Variants in SBSPON observed in about 807,000 individuals in gnomAD.
SBSPON encodes somatomedin B and thrombospondin type 1 domain containing, also known as somatomedin-B and thrombospondin type-1 domain-containing protein.
A neutral mutation model predicts 35.8 loss-of-function variants in SBSPON; 30 were observed. The observed-to-expected ratio is 0.84, with a 90% CI of 0.63 to 1.14. The LOEUF (loss-of-function observed/expected upper bound fraction) is 1.14. Among genes scored for constraint, SBSPON ranks in the 50% most tolerant of loss-of-function variants. SBSPON has a pLI of 0.00. For missense variants in SBSPON, 364 were observed against 357.7 expected, an observed-to-expected ratio of 1.02 and a Z score of -0.14; for synonymous variants, 136 against 135.9, an observed-to-expected ratio of 1.00 and a Z score of 0.00.
chr8:73,090,395 A>G (rs1810907837), intron 1 of SBSPON, among the ~76,000 whole-genome samples: 1 of 152,246 alleles, frequency 6.6e-6, no homozygotes, highest in Non-Finnish European at 1.5e-5. Flanking sequence ...GCATTCCAGG[A>G]GTTGCCCCGA....
rs759587023 is a variant in SBSPON at position 73,067,459 on chromosome 8, C to T, written c.678-1G>A. The T allele has an allele frequency of 3.2e-5, 50 of 1,567,074 alleles. No homozygotes were observed. The highest frequency in any genetic ancestry group is 4.3e-5 in the Non-Finnish European group (49 of 1,138,854). ...TGCTTGCCAATGGAGAGTCTGATTT[C>T]TGAAACGATATTTCGAAAGTGTTAG... On this transcript the variant is annotated splice_acceptor_variant, in intron 4 of 4. Coordinates refer to ENST00000297354, the MANE Select transcript of SBSPON (RefSeq NM_153225.4). LOFTEE classifies it high-confidence loss of function.
intron 2 of SBSPON, among the ~76,000 whole-genome samples, chr8:73,078,604 A>T (rs1367858253): frequency 6.6e-6 from 1 of 152,178 alleles, no homozygotes; most frequent in Non-Finnish European, 1.5e-5. Context: ...GCACAGGAGT[A>T]GGTGGGCTGC....
intron 1 of SBSPON, among the ~76,000 whole-genome samples, chr8:73,084,606 A>C (rs769953056): frequency 6.6e-6 from 1 of 151,960 alleles, no homozygotes; most frequent in Non-Finnish European, 1.5e-5. Context: ...CGTTGTACAC[A>C]TTTTTACTCT....
chr8:73,076,202 G>A (rs1563487895), intron 2 of SBSPON, among the ~76,000 whole-genome samples: 1 of 152,120 alleles, frequency 6.6e-6, no homozygotes, highest in African/African-American at 2.4e-5. Context: ...GAACTCCAGT[G>A]TCCTCAGGTG....
In SBSPON at chr8:73,067,589, C is replaced by CTATATATATATATATA. The variant is rs1233223282; in HGVS notation, c.678-147_678-132dup. 170 of 104,254 alleles carry CTATATATATATATATA rather than the reference C, an allele frequency of 1.6e-3. 9 individuals are homozygous for CTATATATATATATATA. The African/African-American group carries it at 0.018, about 11-fold the overall frequency. The allele number at this position is 104,254 out of a possible 1,614,324, so 6.5% of individuals were successfully genotyped here. On this transcript the variant is annotated intron_variant, in intron 4 of 4. Transcript: ENST00000297354. ...GCAATATAGTGAAACCCCGTCTCTACTATATATATATATATATAGTTTTTT... is the reference window on the plus strand; with the variant it reads ...GCAATATAGTGAAACCCCGTCTCTACTATATATATATATATATATATATATATATATATAGTTTTTT...
intron 1 of SBSPON, among the ~76,000 whole-genome samples, chr8:73,088,678 A>C (rs1371819033): frequency 7.1e-6 from 1 of 141,680 alleles, no homozygotes; most frequent in African/African-American, 2.7e-5. Flanking sequence ...ATCAGATCCC[A>C]TCTCAAAAAG....
rs1211676004 is a variant in SBSPON, at chr8:73,092,909, G to A, written c.159C>T (p.Asp53=). 1 of 1,611,728 alleles carries A rather than the reference G, an allele frequency of 6.2e-7. No homozygotes were observed. Among genetic ancestry groups the A allele is most frequent in the Admixed American group, 1.7e-5 (1 of 59,890 alleles). Reference sequence around the variant, plus strand: ...AGTCCCCGGTGAAGCGACAGGCTTGGTCGCAGAAACACGTCCCGTAGACCC... The same window carrying A: ...AGTCCCCGGTGAAGCGACAGGCTTGATCGCAGAAACACGTCCCGTAGACCC... ...LDRVYGTCFC[D]QACRFTGDCC... The change falls in exon 1 of 5, where the codon GAC becomes GAT. Residue 53 remains aspartate, a synonymous_variant. Transcript: ENST00000297354.
At chr8:73,092,109 G>T (rs73687093) in intron 1 of SBSPON, among the ~76,000 whole-genome samples, 1 of 152,056 alleles carries the variant, frequency 6.6e-6, no homozygotes, top group Non-Finnish European at 1.5e-5. Context: ...GAGCCCTTAC[G>T]GGGACAAGGA....
chr8:73,091,334 A>AGTG (rs1810929169), intron 1 of SBSPON, among the ~76,000 whole-genome samples: 1 of 152,190 alleles, frequency 6.6e-6, no homozygotes, highest in South Asian at 2.1e-4. Flanking sequence ...TCCTGGATCA[A>AGTG]CTATTTCAGT....
chr8:73,077,949 T>C (rs1323740029), intron 2 of SBSPON, among the ~76,000 whole-genome samples: 5 of 152,204 alleles, frequency 3.3e-5, no homozygotes, highest in African/African-American at 4.8e-5. Flanking sequence ...ATTTACCCCA[T>C]ATTTTCCTAC....
At chr8:73,087,200 T>C (rs1161343666) in intron 1 of SBSPON, among the ~76,000 whole-genome samples, 1 of 152,194 alleles carries the variant, frequency 6.6e-6, no homozygotes, top group Non-Finnish European at 1.5e-5. Flanking sequence ...AAACATCATG[T>C]TTTGACGTAT....
intron 4 of SBSPON, among the ~76,000 whole-genome samples, chr8:73,069,280 A>G (rs931337089): frequency 2.0e-5 from 3 of 151,830 alleles, no homozygotes; most frequent in African/African-American, 2.4e-5. Context: ...CTAAACTCCA[A>G]TATCCTTTTT....
intron 1 of SBSPON, among the ~76,000 whole-genome samples, chr8:73,086,783 G>A (rs1045476208): frequency 2.0e-5 from 3 of 152,162 alleles, no homozygotes; most frequent in Admixed American, 6.5e-5. Context: ...AAAGATAATA[G>A]TACTTTTTCT....
Position 73,066,086 on chromosome 8 carries a change from T to C in SBSPON, c.*1255A>G, listed in dbSNP as rs1810383415. The C allele has an allele frequency of 6.6e-6, 1 of 152,218 alleles. No individual in the cohort carries two copies. Among genetic ancestry groups the C allele is most frequent in the South Asian group, 2.1e-4 (1 of 4,834 alleles). 9.4% of individuals were successfully genotyped at this position (152,218 alleles called of 1,614,324 possible). A position where few individuals can be genotyped will look rare whatever the true frequency, so the allele number is the denominator to read the frequency against. On this transcript the variant is annotated 3_prime_UTR_variant, in exon 5 of 5. Transcript: ENST00000297354. ...CATGATAAGGACCAAGAAATACGTA[T>C]TTTAGTAAATCATTTGTTAGTGAAT...
rs1056703296 is a variant in SBSPON, at chr8:73,065,065, A to G, written c.*2276T>C. The G allele has an allele frequency of 6.6e-6, 1 of 152,164 alleles. No homozygotes were observed. Among genetic ancestry groups the G allele is most frequent in the Non-Finnish European group, 1.5e-5 (1 of 68,022 alleles). The allele number at this position is 152,164 out of a possible 1,614,324, so 9.4% of individuals were successfully genotyped here. On this transcript the variant is annotated 3_prime_UTR_variant, in exon 5 of 5. Transcript: ENST00000297354. The stretch of plus-strand genomic sequence containing the variant: ...GGACTACATGTTTCAGTTCTGAACT[A>G]TTTCCCTTGGGCTTTGCTAAAATTA...
intron 3 of SBSPON, among the ~76,000 whole-genome samples, chr8:73,071,206 CAT>C (rs1007978539): frequency 3.3e-5 from 5 of 152,246 alleles, no homozygotes; most frequent in Admixed American, 6.5e-5. Flanking sequence ...ATACCAACCT[CAT>C]GTGGTAGGTT....
intron 4 of SBSPON, among the ~76,000 whole-genome samples, chr8:73,067,777 AG>A (rs1270160852): frequency 6.8e-6 from 1 of 146,208 alleles, no homozygotes; most frequent in Admixed American, 7.0e-5. Flanking sequence ...CCTGGGTGCA[AG>A]GGATCCTCCT....
intron 2 of SBSPON, among the ~76,000 whole-genome samples, chr8:73,074,084 C>T (rs1810547077): frequency 6.6e-6 from 1 of 152,180 alleles, no homozygotes; most frequent in Non-Finnish European, 1.5e-5. Context: ...CATTTCTGTT[C>T]TTCAGACACA....
intron 1 of SBSPON, among the ~76,000 whole-genome samples, chr8:73,091,513 C>T (rs1810935613): frequency 6.6e-6 from 1 of 152,096 alleles, no homozygotes; most frequent in Non-Finnish European, 1.5e-5. Context: ...GTATGCAAGC[C>T]CCTCATGAGA....
Sources: allele counts gnomAD v4.1 joint callset (sites outside exome capture counted in the v4.1 genomes callset), GRCh38; gene constraint gnomAD v4.1.1; transcripts MANE v1.5; gene names NCBI Gene and HGNC (gene_info 2026-07-23, HGNC 2026-07-21).